Variants in XYLT1 observed in about 807,000 individuals in gnomAD.
XYLT1 encodes beta-D-xylosyltransferase 1.
XYLT1 carries 36 observed loss-of-function variants against 91.3 expected under a neutral mutation model. That is an observed-to-expected ratio of 0.39 (90% confidence interval 0.30 to 0.52). The LOEUF (loss-of-function observed/expected upper bound fraction) is 0.52. Among genes scored for constraint, XYLT1 ranks in the 20% least tolerant of loss-of-function variants. The pLI is 0.68. For missense variants in XYLT1, 1,242 were observed against 1,284.5 expected (o/e 0.97, Z 0.51); for synonymous variants, 588 against 532.0 (o/e 1.11, Z -1.45).
intron 5 of XYLT1, among the ~76,000 whole-genome samples, chr16:17,178,288 C>G (rs113355748): frequency 4.6e-5 from 7 of 152,002 alleles, no homozygotes; most frequent in African/African-American, 1.7e-4. Context: ...ATAAAGGGAG[C>G]CTGCTGTTTA....
chr16:17,433,683 A>C (rs370733984), intron 1 of XYLT1, among the ~76,000 whole-genome samples: 10 of 152,318 alleles, frequency 6.6e-5, no homozygotes, highest in African/African-American at 2.4e-4. Flanking sequence ...CCCGCCGAGG[A>C]GGCTTTGGGG....
At chr16:17,464,307 G>C (rs1012442828) in intron 1 of XYLT1, among the ~76,000 whole-genome samples, 1 of 152,054 alleles carries the variant, frequency 6.6e-6, no homozygotes, top group Non-Finnish European at 1.5e-5. Context: ...TGGCCAACAC[G>C]GCAAAACCTC....
intron 3 of XYLT1, among the ~76,000 whole-genome samples, chr16:17,234,899 A>G (rs966852999): frequency 1.3e-5 from 2 of 152,162 alleles, no homozygotes; most frequent in Non-Finnish European, 2.9e-5. Flanking sequence ...AATGAATACG[A>G]CCATAATGGT....
intron 3 of XYLT1, among the ~76,000 whole-genome samples, chr16:17,203,573 C>G (rs572200161): frequency 2.6e-5 from 4 of 152,050 alleles, no homozygotes; most frequent in Admixed American, 6.6e-5. Context: ...TCCATCCATC[C>G]ACCCACTCAT....
chr16:17,263,134 C>G lies in XYLT1; in HGVS notation c.403-3636G>C, dbSNP rs572942020. 2.3e-3 allele frequency among the ~76,000 whole-genome samples: 344 copies of G among 152,242 alleles called. 2 individuals carry two copies. Among genetic ancestry groups the G allele is most frequent in the Non-Finnish European group, 2.3e-3 (156 of 68,018 alleles). ...TCCTAAGTGTCATTCTGGGGCCCTT[C>G]TCTTTCCTTGTTATCAGCAAGTTTC... On this transcript the variant is annotated intron_variant, in intron 2 of 11. Coordinates refer to ENST00000261381, the MANE Select transcript of XYLT1 (RefSeq NM_022166.4).
intron 1 of XYLT1, chr16:17,403,304 C>A (rs984645030): frequency 6.6e-6 from 1 of 152,252 alleles, no homozygotes; most frequent in East Asian, 1.9e-4. Flanking sequence ...AACCAGTAAG[C>A]GGCAAAACCT....
intron 3 of XYLT1, among the ~76,000 whole-genome samples, chr16:17,224,351 T>A (rs576782096): frequency 6.6e-6 from 1 of 152,372 alleles, no homozygotes; most frequent in African/African-American, 2.4e-5. Context: ...TTTAGCAGCA[T>A]CTGCCTTCTA....
At chr16:17,319,960 G>T (rs1163220036) in intron 2 of XYLT1, among the ~76,000 whole-genome samples, 2 of 152,124 alleles carry the variant, frequency 1.3e-5, no homozygotes, top group Non-Finnish European at 2.9e-5. Context: ...CTAAGCGCCA[G>T]GCAGTTCGCA....
chr16:17,146,309 C>T (rs1441195501), intron 6 of XYLT1, among the ~76,000 whole-genome samples: 2 of 152,126 alleles, frequency 1.3e-5, no homozygotes, highest in African/African-American at 4.8e-5. Context: ...ATGACGGTAA[C>T]GCTGGCAGGG....
chr16:17,275,404 A>T (rs2033958977), intron 2 of XYLT1, among the ~76,000 whole-genome samples: 1 of 152,164 alleles, frequency 6.6e-6, no homozygotes, highest in South Asian at 2.1e-4. Flanking sequence ...CCCCAGGAGG[A>T]AACACCACTT....
intron 2 of XYLT1, among the ~76,000 whole-genome samples, chr16:17,278,789 G>A (rs553595920): frequency 1.1e-4 from 16 of 152,292 alleles, no homozygotes; most frequent in African/African-American, 1.9e-4. Flanking sequence ...AGGCAAAGTC[G>A]CCCAGGAAGC....
intron 2 of XYLT1, among the ~76,000 whole-genome samples, chr16:17,306,557 G>GATATATATATATATATAT (rs35971345): frequency 3.7e-4 from 54 of 146,542 alleles, no homozygotes; most frequent in Admixed American, 2.0e-3. Flanking sequence ...TGTCACAAAA[G>GATATATATATATATATAT]ATATATATAT....
intron 1 of XYLT1, among the ~76,000 whole-genome samples, chr16:17,391,218 CTTTTA>C (rs1010740610): frequency 9.9e-5 from 15 of 152,098 alleles, no homozygotes; most frequent in Admixed American, 1.3e-4. Context: ...TTTTGCATTT[CTTTTA>C]TTTAACACTT....
At chr16:17,306,497 G>C (rs2034472786) in intron 2 of XYLT1, among the ~76,000 whole-genome samples, 1 of 151,910 alleles carries the variant, frequency 6.6e-6, no homozygotes, top group Non-Finnish European at 1.5e-5. Flanking sequence ...AGGGGCTGCA[G>C]TGAGCTGAGA....
chr16:17,265,336 C>T (rs1280078222), intron 2 of XYLT1, among the ~76,000 whole-genome samples: 2 of 152,214 alleles, frequency 1.3e-5, no homozygotes, highest in Non-Finnish European at 2.9e-5. Flanking sequence ...TCTCTCTCCC[C>T]TGACAGTCTC....
At chr16:17,152,047 A>C (rs1351161269) in intron 6 of XYLT1, among the ~76,000 whole-genome samples, 1 of 152,212 alleles carries the variant, frequency 6.6e-6, no homozygotes, top group African/African-American at 2.4e-5. Flanking sequence ...CATTTCATGT[A>C]TTTTTGAAAA....
At chr16:17,319,674 CA>C (rs971997117) in intron 2 of XYLT1, among the ~76,000 whole-genome samples, 1 of 152,142 alleles carries the variant, frequency 6.6e-6, no homozygotes, top group African/African-American at 2.4e-5. Flanking sequence ...CTCCTGGCCT[CA>C]AGTGATCCTC....
intron 2 of XYLT1, among the ~76,000 whole-genome samples, chr16:17,279,056 T>C (rs759238384): frequency 1.3e-5 from 2 of 152,228 alleles, no homozygotes; most frequent in African/African-American, 2.4e-5. Context: ...GATTTCATGA[T>C]ACAGTCTCTC....
chr16:17,137,624 T>C (rs1381999599), intron 8 of XYLT1: 2 of 150,174 alleles, frequency 1.3e-5, no homozygotes, highest in African/African-American at 5.1e-5. Flanking sequence ...GGTAAGTGGA[T>C]GAGCATTCCC....
Sources: allele counts gnomAD v4.1 joint callset (sites outside exome capture counted in the v4.1 genomes callset), GRCh38; gene constraint gnomAD v4.1.1; transcripts MANE v1.5; gene names NCBI Gene and HGNC (gene_info 2026-07-23, HGNC 2026-07-21).